The following FARP2 variants were observed in gnomAD, a reference collection of about 807,000 sequenced individuals.
FARP2 encodes the protein FERM, ARHGEF and pleckstrin domain-containing protein 2.
Under a neutral mutation model 130.5 loss-of-function variants are expected in FARP2, and 111 were observed. That is an observed-to-expected ratio of 0.85 (90% CI 0.73 to 1.00). The LOEUF (loss-of-function observed/expected upper bound fraction) is 1.00, where lower values mean the gene tolerates loss of function less well. Among genes scored for constraint, FARP2 ranks in the 50% least tolerant of loss-of-function variants. The pLI, the probability that FARP2 is intolerant of heterozygous loss-of-function variation, is 0.00. For synonymous variants in FARP2, 504 were observed against 516.9 expected, an observed-to-expected ratio of 0.98 and a Z score of 0.34; for missense variants, 1,385 against 1,346.3, an observed-to-expected ratio of 1.03 and a Z score of -0.45.
chr2:241,383,387 G>T (rs1189721168), intron 2 of FARP2, among the ~76,000 whole-genome samples: 1 of 152,222 alleles, frequency 6.6e-6, no homozygotes, highest in Non-Finnish European at 1.5e-5. Flanking sequence ...TGGTGGGAGG[G>T]GCCGGCACAG....
intron 2 of FARP2, among the ~76,000 whole-genome samples, chr2:241,392,662 G>C (rs1005502901): frequency 1.3e-5 from 2 of 152,066 alleles, no homozygotes; most frequent in African/African-American, 4.8e-5. Flanking sequence ...GTAGCAGTCT[G>C]GATGTGTTGG....
At chr2:241,386,166 C>T (rs961847275) in intron 2 of FARP2, among the ~76,000 whole-genome samples, 3 of 152,128 alleles carry the variant, frequency 2.0e-5, no homozygotes, top group Non-Finnish European at 4.4e-5. Flanking sequence ...GATCATAGCT[C>T]ACTGCATCCT....
At chr2:241,423,773 C>T (rs982956802) in intron 8 of FARP2, among the ~76,000 whole-genome samples, 1 of 151,994 alleles carries the variant, frequency 6.6e-6, no homozygotes, top group Non-Finnish European at 1.5e-5. Context: ...ATAAAATTTA[C>T]CAAGCAAATG....
chr2:241,442,664 T>C (rs902829720), intron 13 of FARP2: 6 of 342,772 alleles, frequency 1.8e-5, no homozygotes, highest in Middle Eastern at 6.7e-4. Flanking sequence ...TTTAATTTCC[T>C]GATTTATTAT....
chr2:241,417,612 T>C (rs2062709041), intron 7 of FARP2, among the ~76,000 whole-genome samples: 1 of 149,118 alleles, frequency 6.7e-6, no homozygotes, highest in Non-Finnish European at 1.5e-5. Context: ...CGTCAGCCAC[T>C]GTGCCCGGCC....
At position 241,424,966 on chromosome 2, in the gene FARP2, C is replaced by T. The variant is rs946920142; in HGVS notation, c.772-6713C>T. ...GCTCACGTCTGAATCCCAGCACTTT[C>T]GGAGGCCAATGGGGGCAGATCACTT... On this transcript the variant is annotated intron_variant, in intron 8 of 26. Transcript: ENST00000264042. Among the ~76,000 whole-genome samples, 11 of 152,092 alleles carry T rather than the reference C, an allele frequency of 7.2e-5. 1 individual carries two copies. Among genetic ancestry groups the T allele is most frequent in the Non-Finnish European group, 8.8e-5 (6 of 67,998 alleles).
At chr2:241,488,590 C>G (rs551038959) in intron 21 of FARP2, 1 of 151,928 alleles carries the variant, frequency 6.6e-6, no homozygotes, top group South Asian at 2.1e-4. Flanking sequence ...TTAGTAGAGA[C>G]GGGGTTTCAC....
chr2:241,475,939 G>A lies in FARP2; in HGVS notation c.2214G>A (p.Glu738=). The A allele has an allele frequency of 3.7e-6, 6 of 1,613,978 alleles. No individual in the cohort carries two copies. The highest frequency in any genetic ancestry group is 5.1e-6 in the Non-Finnish European group (6 of 1,179,822). The change falls in exon 19 of 27, where the codon GAG becomes GAA. Residue 738 remains glutamate, a synonymous_variant. Transcript: ENST00000264042. This position sits in a 1 kb window ranked among gnomAD's most constrained non-coding sequence, Gnocchi z 4.4. Reference sequence around the variant, plus strand: ...TGGAGAACCTGCAGAAGCTAACGGAGCTGCAGCGGGACCTGGTGGGCATAG... The same window carrying A: ...TGGAGAACCTGCAGAAGCTAACGGAACTGCAGCGGGACCTGGTGGGCATAG... ...IRLENLQKLT[E]LQRDLVGIEN... is the part of the protein sequence containing the mutation.
At chr2:241,402,141 A>G (rs1255181763) in intron 2 of FARP2, among the ~76,000 whole-genome samples, 1 of 152,206 alleles carries the variant, frequency 6.6e-6, no homozygotes, top group Admixed American at 6.5e-5. Context: ...AGGTCTGTAC[A>G]GTTGTATGAA....
At chr2:241,380,028 C>T (rs949127603) in intron 2 of FARP2, among the ~76,000 whole-genome samples, 1 of 152,164 alleles carries the variant, frequency 6.6e-6, no homozygotes, top group Non-Finnish European at 1.5e-5. Context: ...AACACACATA[C>T]ACAAGCAAGG....
chr2:241,367,593 G>C (rs1054537162), intron 1 of FARP2, among the ~76,000 whole-genome samples: 1 of 152,140 alleles, frequency 6.6e-6, no homozygotes, highest in East Asian at 1.9e-4. Flanking sequence ...GATGAGTGTA[G>C]TGAAATATTA....
chr2:241,476,730 TACATACATACAC>T (rs1361332805), intron 19 of FARP2, among the ~76,000 whole-genome samples: 2 of 152,082 alleles, frequency 1.3e-5, no homozygotes, highest in African/African-American at 4.8e-5. Context: ...GGTACATATA[TACATACATACAC>T]ACATACATAC....
At chr2:241,376,335 A>C (rs2061536061) in intron 2 of FARP2, among the ~76,000 whole-genome samples, 1 of 152,208 alleles carries the variant, frequency 6.6e-6, no homozygotes, top group Non-Finnish European at 1.5e-5. Context: ...GCTAGCTCTG[A>C]TTCGAGGGGT....
At chr2:241,414,393 C>T (rs769955362) in intron 7 of FARP2, among the ~76,000 whole-genome samples, 1 of 152,160 alleles carries the variant, frequency 6.6e-6, no homozygotes, top group Non-Finnish European at 1.5e-5. Flanking sequence ...TTAGCCTTGC[C>T]TTTGTGACAC....
chr2:241,362,739 T>G (rs2061217673), intron 1 of FARP2, among the ~76,000 whole-genome samples: 1 of 152,196 alleles, frequency 6.6e-6, no homozygotes, highest in Non-Finnish European at 1.5e-5. Flanking sequence ...CCCTATCAGT[T>G]AAGACTTTTA....
intron 2 of FARP2, among the ~76,000 whole-genome samples, chr2:241,382,767 A>C (rs1426492778): frequency 6.6e-6 from 1 of 152,138 alleles, no homozygotes; most frequent in Non-Finnish European, 1.5e-5. Flanking sequence ...CATTTCTCTC[A>C]CCTTTATGGA....
intron 2 of FARP2, among the ~76,000 whole-genome samples, chr2:241,394,930 A>T (rs1347769029): frequency 1.3e-5 from 2 of 152,290 alleles, no homozygotes; most frequent in South Asian, 4.1e-4. Context: ...GCTGTGTGTG[A>T]TGTTTTCTGG....
intron 2 of FARP2, among the ~76,000 whole-genome samples, chr2:241,373,906 A>C (rs915129265): frequency 2.0e-5 from 3 of 152,260 alleles, no homozygotes; most frequent in African/African-American, 7.2e-5. Context: ...ATATGCATAT[A>C]TCAATATTTA....
chr2:241,389,347 A>C (rs1449645051), intron 2 of FARP2, among the ~76,000 whole-genome samples: 1 of 152,224 alleles, frequency 6.6e-6, no homozygotes, highest in East Asian at 1.9e-4. Context: ...AAGAGACATA[A>C]GGGAATTTTC....
Sources: gnomAD v4.1 joint callset for allele counts (sites outside exome capture counted in the v4.1 genomes callset) on GRCh38, gnomAD v4.1.1 for gene constraint, Gnocchi (gnomAD v3.1) non-coding constraint, MANE v1.5 for transcripts, NCBI Gene and HGNC (gene_info 2026-07-23, HGNC 2026-07-21) for gene names.